The following TSPOAP1 variants were observed in gnomAD, a reference collection of about 807,000 sequenced individuals.
TSPOAP1 encodes the protein peripheral-type benzodiazepine receptor-associated protein 1.
A neutral mutation model predicts 197.0 loss-of-function variants in TSPOAP1; 87 were observed. The ratio of observed to expected loss-of-function variants is 0.44; its 90% CI spans 0.37 to 0.53. TSPOAP1 has a LOEUF of 0.53. TSPOAP1 is among the 20% of genes least tolerant of loss of function. The probability of loss-of-function intolerance (pLI) is 0.00; values close to 1 mark genes in which losing one functional copy is unlikely to be tolerated. For missense variants in TSPOAP1, 2,174 were observed against 2,411.3 expected, an observed-to-expected ratio of 0.90 and a Z score of 2.06; for synonymous variants, 913 against 998.9, an observed-to-expected ratio of 0.91 and a Z score of 1.62.
rs539555386 is a variant in TSPOAP1 at position 58,326,966 on chromosome 17, A to T, written c.334-176T>A. 6.6e-6 allele frequency among the ~76,000 whole-genome samples: 1 copy of T among 152,098 alleles called. No homozygotes were observed. ...GGAGGCCTAGGAGAAGGAACTGTCC[A>T]GTCCTCCCTGTCCACATAGACACCC... On this transcript the variant is annotated intron_variant, in intron 1 of 31. Coordinates refer to ENST00000343736, the MANE Select transcript of TSPOAP1 (RefSeq NM_004758.4). This position sits in a 1 kb window ranked among gnomAD's most constrained non-coding sequence, Gnocchi z 4.7.
In TSPOAP1 at chr17:58,327,794, C is replaced by A; in HGVS notation, c.127G>T (p.Ala43Ser). 2 of 1,614,162 alleles carry A rather than the reference C, an allele frequency of 1.2e-6. No individual in the cohort carries two copies. Among genetic ancestry groups the A allele is most frequent in the Admixed American group, 3.3e-5 (2 of 60,022 alleles). ...TGCAGAGCTGCCGGAGGAGTATCAG[C>A]GATGCTTGGGGCTGCACTGCTAGGT... ...GEPSSAAPSIADTPPAALQLQ... is the reference protein window; with the variant it reads ...GEPSSAAPSISDTPPAALQLQ... The change falls in exon 1 of 32, where the codon GCT (alanine) becomes TCT (serine). Residue 43 changes from alanine (A) to serine (S), a missense_variant. Ala to Ser is a moderately conservative substitution (Grantham distance 99). Transcript: ENST00000343736.
At chr17:58,314,738 C>T (rs926045612) in intron 16 of TSPOAP1, among the ~76,000 whole-genome samples, 2 of 152,250 alleles carry the variant, frequency 1.3e-5, no homozygotes, top group African/African-American at 4.8e-5. Context: ...TAAGCACCAG[C>T]ACTGTGGAGT....
In TSPOAP1 at chr17:58,304,837, G is replaced by A; in HGVS notation, c.5544+224C>T. 1.5e-6 allele frequency: 1 copy of A among 653,538 alleles called. No homozygotes were observed. Among genetic ancestry groups the A allele is most frequent in the South Asian group, 1.6e-5 (1 of 61,156 alleles). 40.5% of individuals were successfully genotyped at this position (653,538 alleles called of 1,614,324 possible). ...TGGCAGCTGGCGAGATGGCCTGAGGGTCAGGGTCACAGCTATCATCCCTCT... is the reference window on the plus strand; with the variant it reads ...TGGCAGCTGGCGAGATGGCCTGAGGATCAGGGTCACAGCTATCATCCCTCT... On this transcript the variant is annotated intron_variant, in intron 30 of 31. Coordinates refer to ENST00000343736, the MANE Select transcript of TSPOAP1 (RefSeq NM_004758.4). The surrounding 1 kb of genome is among the most constrained non-coding windows in gnomAD (Gnocchi z 4.2).
rs1466964112 is a variant in TSPOAP1, at chr17:58,311,633, C to T, written c.3019G>A (p.Ala1007Thr). 5.6e-6 allele frequency: 9 copies of T among 1,611,062 alleles called. No homozygotes were observed. Among genetic ancestry groups the T allele is most frequent in the Non-Finnish European group, 6.8e-6 (8 of 1,178,118 alleles). Reference protein sequence around the residue: ...IISWLPVTIDAAGTSNGVRVT... With the variant: ...IISWLPVTIDTAGTSNGVRVT... Reference sequence around the variant, plus strand: ...CGGACACCGTTGGATGTGCCAGCAGCATCGATGGTGACTGGGAGCCAACTG... The same window carrying T: ...CGGACACCGTTGGATGTGCCAGCAGTATCGATGGTGACTGGGAGCCAACTG... Residue 1007 changes from alanine (A) to threonine (T), a missense_variant, in exon 18 of 32, where the codon GCT (alanine) becomes ACT (threonine). Physicochemically the swap from Ala to Thr is moderately conservative, Grantham distance 58 (BLOSUM62 0). Transcript: ENST00000343736.
In TSPOAP1 at chr17:58,310,009, C is replaced by T; in HGVS notation, c.3849G>A (p.Gln1283=). The change falls in exon 21 of 32, where the codon CAG becomes CAA. Residue 1283 remains glutamine, a synonymous_variant. Transcript: ENST00000343736. ...EELGSRTCSF[Q]KQVAGNSIRE... is the part of the protein sequence containing the mutation. ...TGATGCTGTTGCCAGCAACCTGCTT[C>T]TGGAAGGAGCAAGTCCTGGAACCCA... is the stretch of plus-strand genomic sequence containing the variant. The T allele has an allele frequency of 1.2e-6, 2 of 1,613,788 alleles. No individual in the cohort carries two copies. The highest frequency in any genetic ancestry group is 1.7e-6 in the Non-Finnish European group (2 of 1,179,960).
Position 58,325,638 on chromosome 17 carries a change from C to CA in TSPOAP1, c.645_646insT (p.Asp216Ter). The stretch of plus-strand genomic sequence containing the variant: ...AGTGCACTGGCTGTCTCACTGAGGT[C>CA]CCGGGCTCGCTGGCGGGCTAGGGCC... On this transcript the variant is annotated frameshift_variant, in exon 4 of 32. Transcript: ENST00000343736. LOFTEE classifies it high-confidence loss of function. 6.2e-7 allele frequency: 1 copy of CA among 1,613,496 alleles called. No homozygotes were observed.
Position 58,304,704 on chromosome 17 carries a change from AC to A in TSPOAP1, c.5545-306del. The stretch of plus-strand genomic sequence containing the variant: ...AAGGCACCTGGGAGGTATGGAGACC[AC>A]CCCCAGGGTGGGAGTGTCCTGAAAC... On this transcript the variant is annotated intron_variant, in intron 30 of 31. Transcript: ENST00000343736. The surrounding 1 kb of genome is among the most constrained non-coding windows in gnomAD (Gnocchi z 4.2). The A allele has an allele frequency of 3.5e-6, 2 of 564,314 alleles. No individual in the cohort carries two copies. The highest frequency in any genetic ancestry group is 3.2e-6 in the Non-Finnish European group (1 of 313,184). The allele number at this position is 564,314 out of a possible 1,614,324, so 35.0% of individuals were successfully genotyped here. A position where few individuals can be genotyped will look rare whatever the true frequency, so the allele number is the denominator to read the frequency against.
At position 58,310,503 on chromosome 17, in the gene TSPOAP1, A is replaced by G. The variant is rs1971046626; in HGVS notation, c.3699+9T>C. On this transcript the variant is annotated intron_variant, in intron 20 of 31. Coordinates refer to ENST00000343736, the MANE Select transcript of TSPOAP1 (RefSeq NM_004758.4). ...TCTGAAGTGACACAGTGTGTCCCCA[A>G]ACCCCTACCTCAGCCCTGGGCCTCA... 1 of 1,612,236 alleles carries G rather than the reference A, an allele frequency of 6.2e-7. No individual in the cohort carries two copies. Among genetic ancestry groups the G allele is most frequent in the Middle Eastern group, 1.7e-4 (1 of 6,056 alleles).
rs756219122 is a variant in TSPOAP1, at chr17:58,323,461, G to T, written c.1020+7C>A. 5 of 1,614,218 alleles carry T rather than the reference G, an allele frequency of 3.1e-6. No individual in the cohort carries two copies. The highest frequency in any genetic ancestry group is 4.2e-6 in the Non-Finnish European group (5 of 1,180,016). ...AGGCTGCCTCCAGCCCTTGACCTAG[G>T]ACTTACCAGCTGCTGCACCCTCTGC... On this transcript the variant is annotated splice_region_variant and intron_variant, in intron 6 of 31. Coordinates refer to ENST00000343736, the MANE Select transcript of TSPOAP1 (RefSeq NM_004758.4).
In TSPOAP1 at chr17:58,309,464, C is replaced by T; in HGVS notation, c.3892-84G>A. The T allele has an allele frequency of 6.7e-7, 1 of 1,503,590 alleles. No homozygotes were observed. The highest frequency in any genetic ancestry group is 8.9e-7 in the Non-Finnish European group (1 of 1,127,762). 93.1% of individuals were successfully genotyped at this position (1,503,590 alleles called of 1,614,324 possible). On this transcript the variant is annotated intron_variant, in intron 21 of 31. Transcript: ENST00000343736. The surrounding 1 kb of genome is among the most constrained non-coding windows in gnomAD (Gnocchi z 5.0). ...GAGGAGAGCGAGCTGCGATCTTTGC[C>T]CTCAAACGAAGGCAGGGGTTACGGA...
chr17:58,308,460 T>C, intron 22 of TSPOAP1, 81 bp downstream of exon 22: 1 of 1,481,214 alleles, frequency 6.8e-7, no homozygotes, highest in South Asian at 1.4e-5. Flanking sequence ...CAGCGTGGAA[T>C]GGGAGCTGCT....
At position 58,309,825 on chromosome 17, in the gene TSPOAP1, A is replaced by G. The variant is rs557948138; in HGVS notation, c.3891+142T>C. 11 of 1,145,698 alleles carry G rather than the reference A, an allele frequency of 9.6e-6. No individual in the cohort carries two copies. In the East Asian group the frequency reaches 1.2e-4, roughly 12 times the overall value. 71.0% of individuals were successfully genotyped at this position (1,145,698 alleles called of 1,614,324 possible). A position where few individuals can be genotyped will look rare whatever the true frequency, so the allele number is the denominator to read the frequency against. On this transcript the variant is annotated intron_variant, in intron 21 of 31. Transcript: ENST00000343736. The surrounding 1 kb of genome is among the most constrained non-coding windows in gnomAD (Gnocchi z 5.0). ...AGGGGCCAATCCTGGGGCACTTCCT[A>G]TCTTCTGCTTAGGACAGGGCCCAGG... is the stretch of plus-strand genomic sequence containing the variant.
chr17:58,328,022 C>G lies in TSPOAP1; in HGVS notation c.-102G>C. The G allele has an allele frequency of 1.9e-6, 2 of 1,072,886 alleles. No homozygotes were observed. The highest frequency in any genetic ancestry group is 2.6e-6 in the Non-Finnish European group (2 of 766,742). 66.5% of individuals were successfully genotyped at this position (1,072,886 alleles called of 1,614,324 possible). A position where few individuals can be genotyped will look rare whatever the true frequency, so the allele number is the denominator to read the frequency against. On this transcript the variant is annotated 5_prime_UTR_variant, in exon 1 of 32. Coordinates refer to ENST00000343736, the MANE Select transcript of TSPOAP1 (RefSeq NM_004758.4). The surrounding 1 kb of genome is among the most constrained non-coding windows in gnomAD (Gnocchi z 4.3). Reference sequence around the variant, plus strand: ...CAGGCCAGCCCCTCTCCCCTCTGAGCTCTTGCTTCACCGACGCTCCATCCA... The same window carrying G: ...CAGGCCAGCCCCTCTCCCCTCTGAGGTCTTGCTTCACCGACGCTCCATCCA...
In TSPOAP1 at chr17:58,312,778, G is replaced by GA. The variant is rs1043528770; in HGVS notation, c.2099-57dup. The GA allele has an allele frequency of 3.8e-5, 54 of 1,435,892 alleles. No homozygotes were observed. The African/African-American group carries it at 6.6e-4, about 18-fold the overall frequency. The allele number at this position is 1,435,892 out of a possible 1,614,324, so 88.9% of individuals were successfully genotyped here. ...CAGGGGAAGACAGAGAGGAGATAAA[G>GA]AAAAAACGGTATAATAAATGCATTT... On this transcript the variant is annotated intron_variant, in intron 16 of 31. Transcript: ENST00000343736.
intron 16 of TSPOAP1, among the ~76,000 whole-genome samples, chr17:58,314,464 G>A (rs1971160329): frequency 1.3e-5 from 2 of 152,216 alleles, no homozygotes; most frequent in Admixed American, 6.5e-5. Context: ...GAGACATGCA[G>A]AGGAGAAACA....
chr17:58,318,749 G>T (rs1051321820), intron 13 of TSPOAP1, among the ~76,000 whole-genome samples: 5 of 152,064 alleles, frequency 3.3e-5, no homozygotes, highest in Non-Finnish European at 5.9e-5. Flanking sequence ...TGTCAAGTGA[G>T]TGGAGCTGGG....
chr17:58,310,504 A>G lies in TSPOAP1; in HGVS notation c.3699+8T>C, dbSNP rs559503242. On this transcript the variant is annotated splice_region_variant and intron_variant, in intron 20 of 31. Transcript: ENST00000343736. Reference sequence around the variant, plus strand: ...CTGAAGTGACACAGTGTGTCCCCAAACCCCTACCTCAGCCCTGGGCCTCAG... The same window carrying G: ...CTGAAGTGACACAGTGTGTCCCCAAGCCCCTACCTCAGCCCTGGGCCTCAG... 1 of 1,612,000 alleles carries G rather than the reference A, an allele frequency of 6.2e-7. No homozygotes were observed. Among genetic ancestry groups the G allele is most frequent in the South Asian group, 1.1e-5 (1 of 91,012 alleles).
At chr17:58,305,736 C>A (rs1970864648) in intron 27 of TSPOAP1, 93 bp from the exon 28 acceptor site, 16 of 1,517,904 alleles carry the variant, frequency 1.1e-5, no homozygotes, top group Non-Finnish European at 1.4e-5. Context: ...CCCCCTGTCA[C>A]CACCTCCCCA....
rs759474747 is a variant in TSPOAP1 at position 58,306,361 on chromosome 17, C to G, written c.5205G>C (p.Lys1735Asn). 2.6e-6 allele frequency: 4 copies of G among 1,554,322 alleles called. No homozygotes were observed. In the South Asian group the frequency reaches 4.7e-5, roughly 18 times the overall value. ...ACCCACCTTTCTTGGAGCGGCGGGGCTTGGGAGGAGGCCCAGTTGTGTGGG... is the reference window on the plus strand; with the variant it reads ...ACCCACCTTTCTTGGAGCGGCGGGGGTTGGGAGGAGGCCCAGTTGTGTGGG... ...STAHTTGPPP[K>N]PRRSKKAESE... The change falls in exon 26 of 32, where the codon AAG (lysine) becomes AAC (asparagine). Residue 1735 changes from lysine (K) to asparagine (N), a missense_variant. By Grantham distance (94) the Lys-to-Asn change is moderately conservative. Around this residue, in one of 5 missense-constraint regions of TSPOAP1, gnomAD observed 161 missense variants for 159.1 expected, o/e 1.01. Transcript: ENST00000343736.
Sources: allele counts gnomAD v4.1 joint callset (sites outside exome capture counted in the v4.1 genomes callset), GRCh38; gene constraint gnomAD v4.1.1; regional missense constraint gnomAD v4.1.1; non-coding constraint Gnocchi (gnomAD v3.1); transcripts MANE v1.5; gene names NCBI Gene and HGNC (gene_info 2026-07-23, HGNC 2026-07-21).